Variants in TRIM10 observed in about 807,000 individuals in gnomAD.
TRIM10 encodes the protein tripartite motif containing 10.
A neutral mutation model predicts 40.0 loss-of-function variants in TRIM10; 42 were observed. The ratio of observed to expected loss-of-function variants is 1.05; its 90% CI spans 0.82 to 1.36. The LOEUF (loss-of-function observed/expected upper bound fraction) is 1.36, where lower values mean the gene tolerates loss of function less well. Ranked by LOEUF, TRIM10 falls within the 40% of genes most tolerant of loss-of-function variation. TRIM10 has a pLI of 0.00. For synonymous variants in TRIM10, 260 were observed against 239.5 expected (o/e 1.09, Z -0.79); for missense variants, 601 against 608.3 (o/e 0.99, Z 0.13).
At position 30,156,982 on chromosome 6, in the gene TRIM10, G is replaced by C. The variant is rs751183129; in HGVS notation, c.852C>G (p.Pro284=). 3 of 1,613,052 alleles carry C rather than the reference G, an allele frequency of 1.9e-6. No homozygotes were observed. Among genetic ancestry groups the C allele is most frequent in the Non-Finnish European group, 2.5e-6 (3 of 1,180,008 alleles). The change falls in exon 5 of 7, where the codon CCC becomes CCG. Residue 284 remains proline (P), a synonymous_variant. Coordinates refer to ENST00000449742, the MANE Select transcript of TRIM10 (RefSeq NM_006778.4). Reference sequence around the variant, plus strand: ...CCCTCTGCAGCGGGAGGGCCTGCTGGGGAAAGTCCCGAATCCTCTGGCCCA... The same window carrying C: ...CCCTCTGCAGCGGGAGGGCCTGCTGCGGAAAGTCCCGAATCCTCTGGCCCA... ...PELGQRIRDF[P]QQALPLQREM... is the part of the protein sequence containing the mutation.
rs759247122 is a variant in TRIM10, at chr6:30,160,794, G to A, written c.65C>T (p.Thr22Ile). 25 of 1,613,940 alleles carry A rather than the reference G, an allele frequency of 1.5e-5. No individual in the cohort carries two copies. The highest frequency in any genetic ancestry group is 2.1e-5 in the Non-Finnish European group (25 of 1,180,036). ...DEVNCPICQG[T>I]LREPVTIDCG... ...GTCGATAGTGACCGGCTCCCTCAGG[G>A]TACCCTGACAGATGGGGCAGTTGAC... Residue 22 changes from threonine to isoleucine, a missense_variant, in exon 1 of 7, where the codon ACC becomes ATC. Coordinates refer to ENST00000449742, the MANE Select transcript of TRIM10 (RefSeq NM_006778.4).
Position 30,159,132 on chromosome 6 carries a change from G to C in TRIM10, c.525+18C>G. On this transcript the variant is annotated intron_variant, in intron 2 of 6. Coordinates refer to ENST00000449742, the MANE Select transcript of TRIM10 (RefSeq NM_006778.4). ...CCCTGAGGAAGGGGAGGAACCTGGG[G>C]AAGGGGTGATGACTTACCAGGAGGA... 1 of 1,554,822 alleles carries C rather than the reference G, an allele frequency of 6.4e-7. No homozygotes were observed.
In TRIM10 at chr6:30,155,722, C is replaced by CT; in HGVS notation, c.928+4dup. ...TTCTCTCCCATCCTGACATAGGCTCCTTACCTGGCTCATAGTCCAACTCAA... is the reference window on the plus strand; with the variant it reads ...TTCTCTCCCATCCTGACATAGGCTCCTTTACCTGGCTCATAGTCCAACTCAA... On this transcript the variant is annotated splice_donor_region_variant and intron_variant, in intron 6 of 6. Coordinates refer to ENST00000449742, the MANE Select transcript of TRIM10 (RefSeq NM_006778.4). The CT allele has an allele frequency of 6.2e-7, 1 of 1,613,670 alleles. No homozygotes were observed. The highest frequency in any genetic ancestry group is 8.5e-7 in the Non-Finnish European group (1 of 1,179,870).
At chr6:30,155,371 CA>C (rs1772434720) in intron 6 of TRIM10, among the ~76,000 whole-genome samples, 1 of 152,168 alleles carries the variant, frequency 6.6e-6, no homozygotes, top group South Asian at 2.1e-4. Flanking sequence ...AAAGCATTCC[CA>C]GATGGACTTT....
At chr6:30,156,377 A>G (rs2127439670) in intron 5 of TRIM10, among the ~76,000 whole-genome samples, 1 of 152,238 alleles carries the variant, frequency 6.6e-6, no homozygotes, top group East Asian at 1.9e-4. Flanking sequence ...GCAGAGAGCC[A>G]TGTCCCATTC....
intron 4 of TRIM10, 60 bp downstream of exon 4, chr6:30,157,309 A>G: frequency 6.9e-7 from 1 of 1,442,840 alleles, no homozygotes; most frequent in South Asian, 1.2e-5. Flanking sequence ...ATAACTAGGC[A>G]TGCAGTACAT....
At chr6:30,163,555 T>C, upstream of TRIM10, 1 of 1,214,112 alleles carries the variant, frequency 8.2e-7, no homozygotes, top group Non-Finnish European at 1.1e-6. Context: ...TCTCTCTCTT[T>C]CTCTCTCTCT....
In TRIM10 at chr6:30,154,269, G is replaced by A. The variant is rs1023082048; in HGVS notation, c.1146C>T (p.Gly382=). 2 of 1,612,862 alleles carry A rather than the reference G, an allele frequency of 1.2e-6. No individual in the cohort carries two copies. Among genetic ancestry groups the A allele is most frequent in the African/African-American group, 2.7e-5 (2 of 74,910 alleles). Residue 382 remains glycine (G), a synonymous_variant, in exon 7 of 7, where the codon GGC becomes GGT. Transcript: ENST00000449742. ...DLAHGGSCTV[G]VVSEDVQRKG... Reference sequence around the variant, plus strand: ...TCCGCTGCACATCCTCGCTCACCACGCCCACGGTGCAGCTGCCCCCATGGG... The same window carrying A: ...TCCGCTGCACATCCTCGCTCACCACACCCACGGTGCAGCTGCCCCCATGGG...
At chr6:30,163,633 A>T, upstream of TRIM10, 3 of 1,532,908 alleles carry the variant, frequency 2.0e-6, no homozygotes, top group Non-Finnish European at 2.6e-6. Flanking sequence ...AGGGAAAGGG[A>T]ACTCGCGTGG....
At position 30,160,484 on chromosome 6, in the gene TRIM10, C is replaced by T; in HGVS notation, c.375G>A (p.Gly125=). ...MQLCVVCREA[G]EHATHTMRFL... is the part of the protein sequence containing the mutation. ...AGCGCATGGTGTGGGTAGCGTGCTC[C>T]CCAGCCTCCCGGCACACCACGCACA... Residue 125 remains glycine (G), a synonymous_variant, in exon 1 of 7, where the codon GGG becomes GGA. Coordinates refer to ENST00000449742, the MANE Select transcript of TRIM10 (RefSeq NM_006778.4). The T allele has an allele frequency of 6.2e-7, 1 of 1,614,166 alleles. No individual in the cohort carries two copies.
chr6:30,163,564 C>T (rs1305778254), upstream of TRIM10: 4 of 1,302,236 alleles, frequency 3.1e-6, no homozygotes, highest in African/African-American at 5.9e-5. Context: ...TTCTCTCTCT[C>T]TGTCTCTTAG....
Position 30,152,297 on chromosome 6 carries a change from T to A in TRIM10, c.*1672A>T, listed in dbSNP as rs534080860. Reference sequence around the variant, plus strand: ...CTTCATACACATACATTTTAGAGGATAATAGTCCTTTCAAAAGACACAGCT... The same window carrying A: ...CTTCATACACATACATTTTAGAGGAAAATAGTCCTTTCAAAAGACACAGCT... On this transcript the variant is annotated 3_prime_UTR_variant, in exon 7 of 7. Transcript: ENST00000449742. 6.6e-6 allele frequency: 1 copy of A among 152,136 alleles called. No individual in the cohort carries two copies. Among genetic ancestry groups the A allele is most frequent in the Non-Finnish European group, 1.5e-5 (1 of 68,038 alleles). The allele number at this position is 152,136 out of a possible 1,614,324, so 9.4% of individuals were successfully genotyped here.
chr6:30,161,997 C>A (rs537369677), upstream of TRIM10, among the ~76,000 whole-genome samples: 1 of 152,044 alleles, frequency 6.6e-6, no homozygotes, highest in South Asian at 2.1e-4. Context: ...GTGTGTTGGC[C>A]GGGCGCGGTG....
Position 30,158,601 on chromosome 6 carries a change from A to C in TRIM10, c.554T>G (p.Val185Gly). The change falls in exon 3 of 7, where the codon GTG becomes GGG. Residue 185 changes from valine (V) to glycine (G), a missense_variant. Physicochemically the swap from Val to Gly is moderately radical, Grantham distance 109. Transcript: ENST00000449742. The part of the protein sequence containing the change: ...LTQVSTKRQQ[V>G]ISEFAHLRKF... ...CCTCAGGTGTGCGAACTCAGAAATC[A>C]CCTGTTGTCTCTTGGTGGACACCTG... 1 of 1,612,010 alleles carries C rather than the reference A, an allele frequency of 6.2e-7. No homozygotes were observed. Among genetic ancestry groups the C allele is most frequent in the Non-Finnish European group, 8.5e-7 (1 of 1,179,654 alleles).
rs1289450583 is a variant in TRIM10 at position 30,160,633 on chromosome 6, C to A, written c.226G>T (p.Ala76Ser). Residue 76 changes from alanine (A) to serine (S), a missense_variant, in exon 1 of 7, where the codon GCT becomes TCT. Coordinates refer to ENST00000449742, the MANE Select transcript of TRIM10 (RefSeq NM_006778.4). Reference sequence around the variant, plus strand: ...CGCTCAATGTTCTCCACCACGTTAGCCAGCTGCCAGTTGGGCCGGAAGCTC... The same window carrying A: ...CGCTCAATGTTCTCCACCACGTTAGACAGCTGCCAGTTGGGCCGGAAGCTC... Reference protein sequence around the residue: ...PGSFRPNWQLANVVENIERLQ... With the variant: ...PGSFRPNWQLSNVVENIERLQ... The A allele has an allele frequency of 6.2e-7, 1 of 1,614,250 alleles. No homozygotes were observed. The highest frequency in any genetic ancestry group is 1.1e-5 in the South Asian group (1 of 91,086).
At chr6:30,161,363 C>T (rs1464206243), upstream of TRIM10, among the ~76,000 whole-genome samples, 1 of 152,160 alleles carries the variant, frequency 6.6e-6, no homozygotes, top group African/African-American at 2.4e-5. Flanking sequence ...TGTGGGGGCT[C>T]AGATAAGGTC....
chr6:30,160,922 G>A lies in TRIM10; in HGVS notation c.-64C>T. On this transcript the variant is annotated 5_prime_UTR_variant, in exon 1 of 7. Transcript: ENST00000449742. The stretch of plus-strand genomic sequence containing the variant: ...TCTGCTTGGCCACGGGGGAAGGGCT[G>A]GGTCACACACTCACACACCCACACA... The A allele has an allele frequency of 6.7e-7, 1 of 1,481,874 alleles. No homozygotes were observed. Among genetic ancestry groups the A allele is most frequent in the African/African-American group, 1.4e-5 (1 of 72,022 alleles). The allele number at this position is 1,481,874 out of a possible 1,614,324, so 91.8% of individuals were successfully genotyped here.
upstream of TRIM10, chr6:30,163,560 CTCTCTGTCTCTT>C: frequency 7.8e-7 from 1 of 1,286,048 alleles, no homozygotes; most frequent in Middle Eastern, 2.7e-4. Context: ...CTCTTTCTCT[CTCTCTGTCTCTT>C]AGCCTTGCAG....
chr6:30,156,129 T>G (rs1256377132), intron 5 of TRIM10, among the ~76,000 whole-genome samples: 1 of 152,198 alleles, frequency 6.6e-6, no homozygotes, highest in Admixed American at 6.5e-5. Context: ...AAGAAATATC[T>G]GCTTAGTGAA....
Sources: allele counts gnomAD v4.1 joint callset (sites outside exome capture counted in the v4.1 genomes callset), GRCh38; gene constraint gnomAD v4.1.1; transcripts MANE v1.5; gene names NCBI Gene and HGNC (gene_info 2026-07-23, HGNC 2026-07-21).